The following HOXC10 variants were observed in gnomAD, a reference collection of about 807,000 sequenced individuals.
The protein encoded by HOXC10 is homeobox protein Hox-C10.
A neutral mutation model predicts 26.0 loss-of-function variants in HOXC10; 15 were observed. The observed-to-expected ratio is 0.58, with a 90% CI of 0.39 to 0.89. The LOEUF (loss-of-function observed/expected upper bound fraction) is 0.89, where lower values mean the gene tolerates loss of function less well. Ranked by LOEUF, HOXC10 falls within the 40% of genes least tolerant of loss-of-function variation. The pLI is 0.00. For synonymous variants in HOXC10, 196 were observed against 185.5 expected, an observed-to-expected ratio of 1.06 and a Z score of -0.46; for missense variants, 446 against 451.9, an observed-to-expected ratio of 0.99 and a Z score of 0.12.
rs1939486669 is a variant in HOXC10 at position 53,989,600 on chromosome 12, TG to T, written c.*156del. 5 of 730,240 alleles carry T rather than the reference TG, an allele frequency of 6.8e-6. No homozygotes were observed. The Admixed American group carries it at 1.2e-4, about 17-fold the overall frequency. 45.2% of individuals were successfully genotyped at this position (730,240 alleles called of 1,614,324 possible). Reference sequence around the variant, plus strand: ...TCAGACTCTCCTTCCAAGGGACCTGTGGTTCGTGCTGCGAAGATGCTTCCAC... The same window carrying T: ...TCAGACTCTCCTTCCAAGGGACCTGTGTTCGTGCTGCGAAGATGCTTCCAC... On this transcript the variant is annotated 3_prime_UTR_variant, in exon 2 of 2. Coordinates refer to ENST00000303460, the MANE Select transcript of HOXC10 (RefSeq NM_017409.4).
intron 1 of HOXC10, among the ~76,000 whole-genome samples, chr12:53,986,977 G>A (rs1024162138): frequency 3.3e-5 from 5 of 151,270 alleles, no homozygotes; most frequent in African/African-American, 1.2e-4. Flanking sequence ...AGAATGTGGA[G>A]GAAACGGGAG....
At position 53,985,615 on chromosome 12, in the gene HOXC10, G is replaced by C. The variant is rs1486294299; in HGVS notation, c.356G>C (p.Arg119Pro). Residue 119 changes from arginine (R) to proline (P), a missense_variant, in exon 1 of 2, where the codon CGG becomes CCG. Physicochemically the swap from Arg to Pro is moderately radical, Grantham distance 103. Transcript: ENST00000303460. ...TGCTGCATGTACAGCGCAGAGAAGCGGGCGAAAAGTGGCCCCGAGGCAGCT... is the reference window on the plus strand; with the variant it reads ...TGCTGCATGTACAGCGCAGAGAAGCCGGCGAAAAGTGGCCCCGAGGCAGCT... ...NVCCMYSAEK[R>P]AKSGPEAALY... 4 of 1,613,786 alleles carry C rather than the reference G, an allele frequency of 2.5e-6. No individual in the cohort carries two copies. The highest frequency in any genetic ancestry group is 1.7e-5 in the Admixed American group (1 of 60,028).
intron 1 of HOXC10, among the ~76,000 whole-genome samples, chr12:53,988,955 A>G (rs1186156888): frequency 6.6e-6 from 1 of 152,164 alleles, no homozygotes; most frequent in Admixed American, 6.5e-5. Context: ...AAATGCTTGG[A>G]GGCAAGAACT....
At position 53,985,863 on chromosome 12, in the gene HOXC10, C is replaced by G. The variant is rs1939425696; in HGVS notation, c.604C>G (p.Pro202Ala). The G allele has an allele frequency of 6.2e-7, 1 of 1,613,822 alleles. No individual in the cohort carries two copies. The highest frequency in any genetic ancestry group is 1.1e-5 in the South Asian group (1 of 91,078). Residue 202 changes from proline (P) to alanine (A), a missense_variant, in exon 1 of 2, where the codon CCC becomes GCC. Pro to Ala is a conservative substitution (Grantham distance 27, BLOSUM62 -1). Coordinates refer to ENST00000303460, the MANE Select transcript of HOXC10 (RefSeq NM_017409.4). ...LGGKVSFPET[P>A]KSDSQTPSPN... ...GGGCAAAGTGAGTTTCCCTGAGACCCCCAAGTCCGACAGCCAGACCCCCAG... is the reference window on the plus strand; with the variant it reads ...GGGCAAAGTGAGTTTCCCTGAGACCGCCAAGTCCGACAGCCAGACCCCCAG...
intron 1 of HOXC10, among the ~76,000 whole-genome samples, chr12:53,987,253 T>A (rs1939452233): frequency 6.6e-6 from 1 of 152,136 alleles, no homozygotes; most frequent in Non-Finnish European, 1.5e-5. Flanking sequence ...CTCACGCACA[T>A]CCATATTGCA....
In HOXC10 at chr12:53,989,702, G is replaced by GGT. The variant is rs1369353599; in HGVS notation, c.*265_*266dup. On this transcript the variant is annotated 3_prime_UTR_variant, in exon 2 of 2. Transcript: ENST00000303460. Reference sequence around the variant, plus strand: ...CATAGATGGGGGTGGGAGTGTGGCTGGTGTGTGTGTCAAGCCCTCACTCAC... The same window carrying GGT: ...CATAGATGGGGGTGGGAGTGTGGCTGGTGTGTGTGTGTCAAGCCCTCACTCAC... 3 of 511,392 alleles carry GGT rather than the reference G, an allele frequency of 5.9e-6. No individual in the cohort carries two copies. Among genetic ancestry groups the GGT allele is most frequent in the South Asian group, 2.9e-5 (1 of 34,248 alleles). The allele number at this position is 511,392 out of a possible 1,614,324, so 31.7% of individuals were successfully genotyped here. A position where few individuals can be genotyped will look rare whatever the true frequency, so the allele number is the denominator to read the frequency against.
Position 53,985,922 on chromosome 12 carries a change from G to T in HOXC10, c.663G>T (p.Ala221=), listed in dbSNP as rs764526035. ...AAATCAAGACGGAGCAGAGCCTGGC[G>T]GGCCCTAAAGGGAGCCCCTCGGAGA... ...PNEIKTEQSL[A]GPKGSPSESE... Residue 221 remains alanine (A), a synonymous_variant, in exon 1 of 2, where the codon GCG becomes GCT. Transcript: ENST00000303460. The T allele has an allele frequency of 6.2e-7, 1 of 1,613,520 alleles. No homozygotes were observed. The highest frequency in any genetic ancestry group is 8.5e-7 in the Non-Finnish European group (1 of 1,179,878).
chr12:53,986,703 C>G (rs1939442243), intron 1 of HOXC10: 1 of 152,246 alleles, frequency 6.6e-6, no homozygotes, highest in Non-Finnish European at 1.5e-5. Flanking sequence ...TTTCTGTTTC[C>G]TCTTTTAATT....
chr12:53,985,198 A>G lies in HOXC10; in HGVS notation c.-62A>G, dbSNP rs376865524. The G allele has an allele frequency of 1.3e-5, 12 of 906,586 alleles. No individual in the cohort carries two copies. The highest frequency in any genetic ancestry group is 3.9e-5 in the South Asian group (1 of 25,514). 56.2% of individuals were successfully genotyped at this position (906,586 alleles called of 1,614,324 possible). ...ACCGCGCCCCCCCTCCCGGATGGGG[A>G]AAAAAAAAGATGTCAGCTCCTCCGC... is the stretch of plus-strand genomic sequence containing the variant. On this transcript the variant is annotated 5_prime_UTR_variant, in exon 1 of 2. Coordinates refer to ENST00000303460, the MANE Select transcript of HOXC10 (RefSeq NM_017409.4).
At chr12:53,987,411 G>A (rs1401469719) in intron 1 of HOXC10, among the ~76,000 whole-genome samples, 1 of 152,214 alleles carries the variant, frequency 6.6e-6, no homozygotes, top group African/African-American at 2.4e-5. Flanking sequence ...GAGCGCTGGT[G>A]TGTTCATGAG....
At position 53,989,680 on chromosome 12, in the gene HOXC10, A is replaced by G. The variant is rs1212504090; in HGVS notation, c.*234A>G. 3.6e-6 allele frequency: 2 copies of G among 555,676 alleles called. No individual in the cohort carries two copies. The highest frequency in any genetic ancestry group is 3.2e-6 in the Non-Finnish European group (1 of 315,922). 34.4% of individuals were successfully genotyped at this position (555,676 alleles called of 1,614,324 possible). A position where few individuals can be genotyped will look rare whatever the true frequency, so the allele number is the denominator to read the frequency against. On this transcript the variant is annotated 3_prime_UTR_variant, in exon 2 of 2. Coordinates refer to ENST00000303460, the MANE Select transcript of HOXC10 (RefSeq NM_017409.4). ...TGTGGGGTGTGGTGTGTGCCCTCAT[A>G]GATGGGGGTGGGAGTGTGGCTGGTG...
At position 53,989,217 on chromosome 12, in the gene HOXC10, G is replaced by A; in HGVS notation, c.800G>A (p.Ser267Asn). 6.2e-7 allele frequency: 1 copy of A among 1,612,680 alleles called. No individual in the cohort carries two copies. Among genetic ancestry groups the A allele is most frequent in the Non-Finnish European group, 8.5e-7 (1 of 1,179,536 alleles). Residue 267 changes from serine to asparagine, a missense_variant, in exon 2 of 2, where the codon AGC (serine) becomes AAC (asparagine). Coordinates refer to ENST00000303460, the MANE Select transcript of HOXC10 (RefSeq NM_017409.4). ...NTTGNWLTAK[S>N]GRKKRCPYTK... ...ACAGGAAATTGGCTGACAGCAAAGAGCGGAAGGAAGAAGAGGTGCCCCTAT... is the reference window on the plus strand; with the variant it reads ...ACAGGAAATTGGCTGACAGCAAAGAACGGAAGGAAGAAGAGGTGCCCCTAT...
At chr12:53,988,165 TCTG>T (rs1939466565) in intron 1 of HOXC10, among the ~76,000 whole-genome samples, 1 of 152,194 alleles carries the variant, frequency 6.6e-6, no homozygotes, top group Admixed American at 6.5e-5. Context: ...CAGGTTCCCT[TCTG>T]CTACTTGAGA....
In HOXC10 at chr12:53,990,178, G is replaced by A. The variant is rs1215813282; in HGVS notation, c.*732G>A. 6.7e-6 allele frequency: 1 copy of A among 148,914 alleles called. No individual in the cohort carries two copies. The highest frequency in any genetic ancestry group is 1.5e-5 in the Non-Finnish European group (1 of 67,722). 9.2% of individuals were successfully genotyped at this position (148,914 alleles called of 1,614,324 possible). A position where few individuals can be genotyped will look rare whatever the true frequency, so the allele number is the denominator to read the frequency against. ...AATATTGTCCTGTCCCTGTCTGGGA[G>A]TTGTGTTATTTAAAGATATTCTGTA... is the stretch of plus-strand genomic sequence containing the variant. On this transcript the variant is annotated 3_prime_UTR_variant, in exon 2 of 2. Coordinates refer to ENST00000303460, the MANE Select transcript of HOXC10 (RefSeq NM_017409.4).
At chr12:53,986,093 T>C (rs1320051285) in intron 1 of HOXC10, 83 bp downstream of exon 1, 143 of 1,420,690 alleles carry the variant, frequency 1.0e-4, no homozygotes. Context: ...GGGGAGAGGG[T>C]TGGGCCCAGG....
At position 53,985,347 on chromosome 12, in the gene HOXC10, G is replaced by C. The variant is rs772735378; in HGVS notation, c.88G>C (p.Gly30Arg). 5.0e-6 allele frequency: 8 copies of C among 1,613,632 alleles called. No individual in the cohort carries two copies. In the East Asian group the frequency reaches 6.7e-5, roughly 13 times the overall value. Residue 30 changes from glycine (G) to arginine (R), a missense_variant, in exon 1 of 2, where the codon GGC (glycine) becomes CGC (arginine). By Grantham distance (125) the Gly-to-Arg change is moderately radical. Transcript: ENST00000303460. Reference protein sequence around the residue: ...GGGERYSRSAGMYMQSGSDFN... With the variant: ...GGGERYSRSARMYMQSGSDFN... ...AGGAGAGCGCTATAGCCGGAGCGCA[G>C]GCATGTATATGCAGTCTGGGAGTGA...
chr12:53,985,202 A>G lies in HOXC10; in HGVS notation c.-58A>G. On this transcript the variant is annotated 5_prime_UTR_variant, in exon 1 of 2. Coordinates refer to ENST00000303460, the MANE Select transcript of HOXC10 (RefSeq NM_017409.4). The stretch of plus-strand genomic sequence containing the variant: ...CGCCCCCCCTCCCGGATGGGGAAAA[A>G]AAAAGATGTCAGCTCCTCCGCTGTA... The G allele has an allele frequency of 8.6e-7, 1 of 1,166,918 alleles. No individual in the cohort carries two copies. Among genetic ancestry groups the G allele is most frequent in the Non-Finnish European group, 1.1e-6 (1 of 928,146 alleles). The allele number at this position is 1,166,918 out of a possible 1,614,324, so 72.3% of individuals were successfully genotyped here.
Position 53,989,653 on chromosome 12 carries a change from G to T in HOXC10, c.*207G>T. On this transcript the variant is annotated 3_prime_UTR_variant, in exon 2 of 2. Coordinates refer to ENST00000303460, the MANE Select transcript of HOXC10 (RefSeq NM_017409.4). The stretch of plus-strand genomic sequence containing the variant: ...TAAAGCATGAGAAATGGGGTGCCGG[G>T]ATGTGGGGTGTGGTGTGTGCCCTCA... 1 of 601,730 alleles carries T rather than the reference G, an allele frequency of 1.7e-6. No homozygotes were observed. The highest frequency in any genetic ancestry group is 2.8e-5 in the East Asian group (1 of 35,494). 37.3% of individuals were successfully genotyped at this position (601,730 alleles called of 1,614,324 possible). A position where few individuals can be genotyped will look rare whatever the true frequency, so the allele number is the denominator to read the frequency against.
rs999148305 is a variant in HOXC10, at chr12:53,989,890, T to C, written c.*444T>C. 1 of 159,904 alleles carries C rather than the reference T, an allele frequency of 6.3e-6. No individual in the cohort carries two copies. Among genetic ancestry groups the C allele is most frequent in the Non-Finnish European group, 1.4e-5 (1 of 72,792 alleles). The allele number at this position is 159,904 out of a possible 1,614,324, so 9.9% of individuals were successfully genotyped here. A position where few individuals can be genotyped will look rare whatever the true frequency, so the allele number is the denominator to read the frequency against. On this transcript the variant is annotated 3_prime_UTR_variant, in exon 2 of 2. Transcript: ENST00000303460. ...TTGCTGCATTTCCTCCTTAGACTAA[T>C]AGACGTTTTGGAAAGTTCGGCTAGT...
Sources: gnomAD v4.1 joint callset for allele counts (sites outside exome capture counted in the v4.1 genomes callset) on GRCh38, gnomAD v4.1.1 for gene constraint, MANE v1.5 for transcripts, NCBI Gene and HGNC (gene_info 2026-07-23, HGNC 2026-07-21) for gene names.